ROBO2: variants seen among roughly 807,000 people sequenced by gnomAD.
ROBO2 encodes roundabout homolog 2.
In ROBO2, 53 loss-of-function variants were observed where a neutral mutation model predicts 160.8. That is an observed-to-expected ratio of 0.33 (90% CI 0.26 to 0.41). The LOEUF is 0.41. Ranked by LOEUF, ROBO2 falls within the 10% of genes least tolerant of loss-of-function variation. The pLI, the probability that ROBO2 is intolerant of heterozygous loss-of-function variation, is 1.00. For synonymous variants in ROBO2, 664 were observed against 611.7 expected, an observed-to-expected ratio of 1.09 and a Z score of -1.26; for missense variants, 1,577 against 1,722.4, an observed-to-expected ratio of 0.92 and a Z score of 1.49.
At chr3:76,186,555 C>T (rs192057304) in intron 2 of ROBO2, among the ~76,000 whole-genome samples, 1 of 151,628 alleles carries the variant, frequency 6.6e-6, no homozygotes, top group African/African-American at 2.4e-5. Context: ...GATCCCATTC[C>T]TCTCTGTCAA....
intron 2 of ROBO2, among the ~76,000 whole-genome samples, chr3:77,285,219 G>A (rs779706624): frequency 1.6e-4 from 25 of 152,082 alleles, no homozygotes; most frequent in Non-Finnish European, 2.4e-4. Context: ...TAGGTTACAG[G>A]GCTATGTTCA....
intron 2 of ROBO2, among the ~76,000 whole-genome samples, chr3:76,111,811 T>TCTATTTCTCTCTCC: frequency 6.6e-6 from 1 of 152,182 alleles, no homozygotes; most frequent in East Asian, 1.9e-4. Flanking sequence ...ACTCTCTCTC[T>TCTATTTCTCTCTCC]CTCTTTCTCT....
At chr3:77,113,569 A>G (rs2073897982) in intron 2 of ROBO2, among the ~76,000 whole-genome samples, 1 of 151,018 alleles carries the variant, frequency 6.6e-6, no homozygotes, top group African/African-American at 2.5e-5. Context: ...AATGGCAATA[A>G]CCCATTATAT....
intron 2 of ROBO2, among the ~76,000 whole-genome samples, chr3:76,506,724 G>A (rs1174456629): frequency 4.6e-5 from 7 of 152,116 alleles, no homozygotes; most frequent in Non-Finnish European, 1.0e-4. Flanking sequence ...AGCGTACCCT[G>A]GCAACCTGAA....
chr3:76,462,257 C>T (rs1202892909), intron 2 of ROBO2, among the ~76,000 whole-genome samples: 1 of 152,054 alleles, frequency 6.6e-6, no homozygotes, highest in Admixed American at 6.6e-5. Flanking sequence ...TAAAATTGTA[C>T]ATTCAGGTGT....
chr3:77,221,854 C>CTTT (rs5850317), intron 2 of ROBO2, among the ~76,000 whole-genome samples: 8 of 140,286 alleles, frequency 5.7e-5, no homozygotes, highest in Non-Finnish European at 9.2e-5. Context: ...TTTTCTTTTT[C>CTTT]TTTTTTTTTT....
At chr3:77,368,541 T>A (rs2071274136) in intron 2 of ROBO2, among the ~76,000 whole-genome samples, 1 of 152,190 alleles carries the variant, frequency 6.6e-6, no homozygotes, top group Non-Finnish European at 1.5e-5. Flanking sequence ...CTGCTCTAGA[T>A]GTACTATATT....
At chr3:77,438,186 ATAGG>A (rs2079512594) in intron 2 of ROBO2, among the ~76,000 whole-genome samples, 1 of 151,662 alleles carries the variant, frequency 6.6e-6, no homozygotes, top group Non-Finnish European at 1.5e-5. Flanking sequence ...AGATAGATAG[ATAGG>A]TAGATAGATG....
At position 77,525,182 on chromosome 3, in the gene ROBO2, T is replaced by G. The variant is rs763135900; in HGVS notation, c.934+2280T>G. 6.6e-4 allele frequency among the ~76,000 whole-genome samples: 100 copies of G among 150,840 alleles called. 2 individuals are homozygous for G. Among genetic ancestry groups the G allele is most frequent in the Non-Finnish European group, 1.3e-4 (9 of 67,418 alleles). On this transcript the variant is annotated intron_variant, in intron 6 of 25. Transcript: ENST00000461745. ...AGAGGCCATGCCCATTTTCATCCATTTAATGCAGAGACACAGTTGTGTTTA... is the reference window on the plus strand; with the variant it reads ...AGAGGCCATGCCCATTTTCATCCATGTAATGCAGAGACACAGTTGTGTTTA...
intron 2 of ROBO2, among the ~76,000 whole-genome samples, chr3:76,439,846 A>T (rs1356805947): frequency 6.6e-6 from 1 of 152,058 alleles, no homozygotes. Flanking sequence ...ACTTGAGGGG[A>T]TGTAGTCTTC....
chr3:76,069,096 C>G (rs1233519147), intron 2 of ROBO2, among the ~76,000 whole-genome samples: 1 of 152,040 alleles, frequency 6.6e-6, no homozygotes, highest in Non-Finnish European at 1.5e-5. Flanking sequence ...CCTATACTGC[C>G]AATTTTCAAG....
chr3:76,789,894 A>G (rs986481286), intron 2 of ROBO2, among the ~76,000 whole-genome samples: 1 of 151,694 alleles, frequency 6.6e-6, no homozygotes, highest in African/African-American at 2.4e-5. Flanking sequence ...CAACTCTCCC[A>G]ATTCTATAAT....
chr3:77,018,113 A>G (rs1421867726), intron 2 of ROBO2, among the ~76,000 whole-genome samples: 1 of 152,168 alleles, frequency 6.6e-6, no homozygotes, highest in African/African-American at 2.4e-5. Flanking sequence ...ATATTTATAT[A>G]TACATTTGAG....
At chr3:77,142,547 C>T (rs2076789874) in intron 2 of ROBO2, among the ~76,000 whole-genome samples, 1 of 152,146 alleles carries the variant, frequency 6.6e-6, no homozygotes, top group South Asian at 2.1e-4. Flanking sequence ...CTTTGTAAAT[C>T]TGTCTTCTTT....
At chr3:76,802,877 A>G (rs1474379947) in intron 2 of ROBO2, among the ~76,000 whole-genome samples, 3 of 152,180 alleles carry the variant, frequency 2.0e-5, no homozygotes, top group Admixed American at 6.5e-5. Context: ...ATGCCACATG[A>G]GTGAAGCCCA....
intron 2 of ROBO2, among the ~76,000 whole-genome samples, chr3:76,450,009 A>C (rs2077394854): frequency 1.3e-5 from 2 of 152,202 alleles, no homozygotes; most frequent in South Asian, 4.1e-4. Context: ...TAATTGGAAA[A>C]GTCATTTATC....
intron 2 of ROBO2, among the ~76,000 whole-genome samples, chr3:76,308,684 T>A (rs62261421): frequency 0.034 from 5,172 of 152,270 alleles, 120 homozygotes; most frequent in Non-Finnish European, 0.052. Flanking sequence ...CTCTTCTCTC[T>A]TCTGGTATGC....
At chr3:77,269,676 A>G (rs939111507) in intron 2 of ROBO2, among the ~76,000 whole-genome samples, 1 of 152,172 alleles carries the variant, frequency 6.6e-6, no homozygotes, top group Non-Finnish European at 1.5e-5. Context: ...TAAATTACCA[A>G]CTTTCCCGCA....
At chr3:77,314,515 A>G (rs1312968759) in intron 2 of ROBO2, among the ~76,000 whole-genome samples, 3 of 152,198 alleles carry the variant, frequency 2.0e-5, no homozygotes, top group African/African-American at 7.2e-5. Context: ...ACATTGATTC[A>G]ACAGGATTAA....
Sources: gnomAD v4.1 joint callset for allele counts (sites outside exome capture counted in the v4.1 genomes callset) on GRCh38, gnomAD v4.1.1 for gene constraint, MANE v1.5 for transcripts, NCBI Gene and HGNC (gene_info 2026-07-23, HGNC 2026-07-21) for gene names.